Variants in PRKD1 observed in about 807,000 individuals in gnomAD.
The protein encoded by PRKD1 is serine/threonine-protein kinase D1.
PRKD1 carries 63 observed loss-of-function variants against 95.9 expected under a neutral mutation model. That is an observed-to-expected ratio of 0.66 (90% CI 0.54 to 0.81). The LOEUF is 0.81. PRKD1 is among the 30% of genes least tolerant of loss of function. The pLI is 0.00. For synonymous variants in PRKD1, 425 were observed against 423.1 expected (o/e 1.00, Z -0.05); for missense variants, 1,048 against 1,165.3 (o/e 0.90, Z 1.47).
chr14:29,649,619 G>C (rs1460259894), intron 4 of PRKD1, among the ~76,000 whole-genome samples: 1 of 151,872 alleles, frequency 6.6e-6, no homozygotes, highest in East Asian at 1.9e-4. Context: ...TTTGACTTTG[G>C]TTATTACCTT....
intron 1 of PRKD1, among the ~76,000 whole-genome samples, chr14:29,894,287 A>G (rs1439661463): frequency 6.6e-6 from 1 of 152,216 alleles, no homozygotes; most frequent in East Asian, 1.9e-4. Context: ...GAAAGAAGTG[A>G]GATGGGTAGA....
chr14:29,620,282 A>C (rs908956724), intron 13 of PRKD1, among the ~76,000 whole-genome samples: 1 of 151,984 alleles, frequency 6.6e-6, no homozygotes, highest in Non-Finnish European at 1.5e-5. Context: ...TTCATATCTA[A>C]AACACCAAAA....
intron 9 of PRKD1, among the ~76,000 whole-genome samples, chr14:29,631,222 C>T (rs565538787): frequency 1.3e-5 from 2 of 152,140 alleles, no homozygotes; most frequent in African/African-American, 4.8e-5. Context: ...TTTCCTTTTT[C>T]TAGAAAATGT....
At chr14:29,615,204 A>C (rs1878770954) in intron 13 of PRKD1, among the ~76,000 whole-genome samples, 2 of 152,156 alleles carry the variant, frequency 1.3e-5, no homozygotes, top group Admixed American at 6.5e-5. Context: ...ATAGTTAATA[A>C]AGGGTATCGA....
At chr14:29,709,818 C>T (rs543599624) in intron 2 of PRKD1, among the ~76,000 whole-genome samples, 4 of 152,210 alleles carry the variant, frequency 2.6e-5, no homozygotes, top group African/African-American at 9.6e-5. Context: ...TACTTTATTC[C>T]ATCTACCAAT....
At chr14:29,707,881 T>C (rs1885165184) in intron 2 of PRKD1, among the ~76,000 whole-genome samples, 1 of 152,172 alleles carries the variant, frequency 6.6e-6, no homozygotes, top group South Asian at 2.1e-4. Context: ...GCCCCTGGGA[T>C]ACATCTTTCA....
intron 1 of PRKD1, among the ~76,000 whole-genome samples, chr14:29,891,328 GA>G (rs1288735074): frequency 1.3e-5 from 2 of 151,956 alleles, no homozygotes; most frequent in African/African-American, 4.8e-5. Context: ...GAACCACCAT[GA>G]ATGGTGACAG....
intron 1 of PRKD1, among the ~76,000 whole-genome samples, chr14:29,912,576 T>C (rs1894753927): frequency 6.6e-6 from 1 of 152,228 alleles, no homozygotes. Flanking sequence ...ACTCTGAACA[T>C]CTTAAGCAAA....
intron 1 of PRKD1, among the ~76,000 whole-genome samples, chr14:29,925,511 T>C (rs1348220206): frequency 6.6e-6 from 1 of 152,106 alleles, no homozygotes; most frequent in Non-Finnish European, 1.5e-5. Context: ...TCTGCTCTCG[T>C]CTCACTCTCT....
intron 1 of PRKD1, among the ~76,000 whole-genome samples, chr14:29,760,557 G>T (rs1158155259): frequency 6.6e-6 from 1 of 151,928 alleles, no homozygotes; most frequent in Non-Finnish European, 1.5e-5. Flanking sequence ...GTTTCACCAT[G>T]TTGGCCAGCC....
intron 16 of PRKD1, among the ~76,000 whole-genome samples, chr14:29,589,010 C>T (rs1400506480): frequency 6.6e-6 from 1 of 151,974 alleles, no homozygotes; most frequent in Non-Finnish European, 1.5e-5. Flanking sequence ...GTCAGGGGCT[C>T]ATTGTGAGAC....
chr14:29,861,979 T>TA (rs1457565576), intron 1 of PRKD1, among the ~76,000 whole-genome samples: 25 of 152,142 alleles, frequency 1.6e-4, no homozygotes, highest in Admixed American at 1.3e-3. Context: ...TCATTCATTC[T>TA]AACTATTCTT....
At chr14:29,896,191 C>T (rs1307206519) in intron 1 of PRKD1, among the ~76,000 whole-genome samples, 1 of 152,134 alleles carries the variant, frequency 6.6e-6, no homozygotes, top group African/African-American at 2.4e-5. Context: ...CAATTATCAA[C>T]ATTATTTAGA....
intron 1 of PRKD1, among the ~76,000 whole-genome samples, chr14:29,806,666 T>C (rs1235153386): frequency 1.3e-5 from 2 of 152,182 alleles, no homozygotes; most frequent in African/African-American, 4.8e-5. Flanking sequence ...CAGAGATTCC[T>C]GGAATATTCT....
chr14:29,710,670 G>T (rs1885296292), intron 2 of PRKD1, among the ~76,000 whole-genome samples: 1 of 151,908 alleles, frequency 6.6e-6, no homozygotes, highest in Admixed American at 6.6e-5. Flanking sequence ...GAAAAAGATT[G>T]GTAAGTTCAA....
intron 1 of PRKD1, among the ~76,000 whole-genome samples, chr14:29,869,632 T>C (rs146093072): frequency 2.6e-4 from 39 of 152,264 alleles, no homozygotes; most frequent in African/African-American, 8.4e-4. Flanking sequence ...GATAAAAGTA[T>C]AAATATATTT....
intron 1 of PRKD1, among the ~76,000 whole-genome samples, chr14:29,882,286 A>G (rs1893540494): frequency 6.6e-6 from 1 of 152,254 alleles, no homozygotes; most frequent in Non-Finnish European, 1.5e-5. Flanking sequence ...AAATAGGGCA[A>G]TTTAGGACAA....
chr14:29,762,969 C>T (rs1013584617), intron 1 of PRKD1, among the ~76,000 whole-genome samples: 3 of 151,832 alleles, frequency 2.0e-5, no homozygotes, highest in Non-Finnish European at 4.4e-5. Context: ...ATCTTGAACT[C>T]GTGGCCTCAA....
chr14:29,905,177 T>C (rs1303868981), intron 1 of PRKD1, among the ~76,000 whole-genome samples: 1 of 152,122 alleles, frequency 6.6e-6, no homozygotes, highest in Non-Finnish European at 1.5e-5. Flanking sequence ...ACCGAGGGGA[T>C]TGTTTCCAGC....
Sources: allele counts gnomAD v4.1 joint callset (sites outside exome capture counted in the v4.1 genomes callset), GRCh38; gene constraint gnomAD v4.1.1; transcripts MANE v1.5; gene names NCBI Gene and HGNC (gene_info 2026-07-23, HGNC 2026-07-21).